The following NMNAT3 variants were observed in gnomAD, a reference collection of about 807,000 sequenced individuals.
The protein encoded by NMNAT3 is nicotinamide/nicotinic acid mononucleotide adenylyltransferase 3.
NMNAT3 carries 21 observed loss-of-function variants against 24.8 expected under a neutral mutation model. The observed-to-expected ratio is 0.85, with a 90% CI of 0.60 to 1.22. The LOEUF (loss-of-function observed/expected upper bound fraction) is 1.22, where lower values mean the gene tolerates loss of function less well. NMNAT3 is among the 50% of genes most tolerant of loss of function. NMNAT3 has a pLI of 0.00. For missense variants in NMNAT3, 387 were observed against 436.6 expected (o/e 0.89, Z 1.01); for synonymous variants, 136 against 155.2 (o/e 0.88, Z 0.92).
intron 3 of NMNAT3, among the ~76,000 whole-genome samples, chr3:139,620,777 T>G (rs2055732981): frequency 6.6e-6 from 1 of 152,150 alleles, no homozygotes; most frequent in African/African-American, 2.4e-5. Context: ...GTCTTATAAC[T>G]CCACATCTTG....
At chr3:139,592,821 A>G (rs2054260585) in intron 3 of NMNAT3, among the ~76,000 whole-genome samples, 1 of 152,194 alleles carries the variant, frequency 6.6e-6, no homozygotes, top group Non-Finnish European at 1.5e-5. Flanking sequence ...TGAAGGAAGC[A>G]CTAAACATGG....
At chr3:139,597,907 A>C (rs756292290) in intron 3 of NMNAT3, among the ~76,000 whole-genome samples, 2 of 152,212 alleles carry the variant, frequency 1.3e-5, no homozygotes, top group African/African-American at 2.4e-5. Flanking sequence ...GGAGAGGAGG[A>C]ACACATCTGT....
chr3:139,585,718 C>T (rs1015415014), intron 3 of NMNAT3, among the ~76,000 whole-genome samples: 28 of 152,212 alleles, frequency 1.8e-4, no homozygotes, highest in African/African-American at 6.8e-4. Flanking sequence ...TGAGCAAGGA[C>T]TCATGTGTGG....
At chr3:139,626,948 GTAAA>G (rs2056079698) in intron 3 of NMNAT3, among the ~76,000 whole-genome samples, 1 of 151,846 alleles carries the variant, frequency 6.6e-6, no homozygotes, top group African/African-American at 2.4e-5. Context: ...AAATATACAA[GTAAA>G]TAATTTCATA....
intron 3 of NMNAT3, among the ~76,000 whole-genome samples, chr3:139,584,835 T>C (rs1162381697): frequency 6.6e-6 from 1 of 152,224 alleles, no homozygotes; most frequent in Non-Finnish European, 1.5e-5. Flanking sequence ...AGATTACTAA[T>C]TGTTTTGCTT....
At chr3:139,666,250 A>G (rs953596967) in intron 1 of NMNAT3, among the ~76,000 whole-genome samples, 1 of 152,120 alleles carries the variant, frequency 6.6e-6, no homozygotes, top group Admixed American at 6.5e-5. Flanking sequence ...AATATGGCAA[A>G]AGTGATACTA....
At chr3:139,568,308 C>T in intron 6 of NMNAT3, 1 of 151,926 alleles carries the variant, frequency 6.6e-6, no homozygotes, top group Non-Finnish European at 1.5e-5. Context: ...GGATTCATTA[C>T]TTTTTTGAAG....
At chr3:139,677,111 GC>G (rs1039792418) in intron 1 of NMNAT3, among the ~76,000 whole-genome samples, 2 of 152,098 alleles carry the variant, frequency 1.3e-5, no homozygotes, top group Non-Finnish European at 2.9e-5. Context: ...GTTGTTCCCC[GC>G]CCGGGAATTC....
At chr3:139,561,415 A>G in intron 6 of NMNAT3, 23 bp from the exon 7 acceptor site, 27 of 1,600,694 alleles carry the variant, frequency 1.7e-5, no homozygotes, top group Non-Finnish European at 2.2e-5. Context: ...GGATGGACCC[A>G]GTAAAGTTAG....
chr3:139,622,172 A>G (rs1002197541), intron 3 of NMNAT3, among the ~76,000 whole-genome samples: 3 of 152,102 alleles, frequency 2.0e-5, no homozygotes, highest in African/African-American at 7.2e-5. Context: ...GTTTTTCATA[A>G]TGGCTGTTCT....
chr3:139,583,170 GA>G lies in NMNAT3; in HGVS notation c.147del (p.Pro50LeufsTer8). Reference sequence around the variant, plus strand: ...TTTATTGAGATAGACTGAGGTCCAGGAAAAACAAGTGCAACTTCATGGTCCT... The same window carrying G: ...TTTATTGAGATAGACTGAGGTCCAGGAAAACAAGTGCAACTTCATGGTCCT... On this transcript the variant is annotated frameshift_variant, in exon 4 of 7. Transcript: ENST00000643695. LOFTEE classifies it high-confidence loss of function. The G allele has an allele frequency of 1.5e-6, 2 of 1,295,570 alleles. No homozygotes were observed. Among genetic ancestry groups the G allele is most frequent in the South Asian group, 1.2e-5 (1 of 81,066 alleles). The allele number at this position is 1,295,570 out of a possible 1,614,324, so 80.3% of individuals were successfully genotyped here.
At chr3:139,596,964 A>ATATATATATTTTTT (rs1405063694) in intron 3 of NMNAT3, among the ~76,000 whole-genome samples, 1 of 108,540 alleles carries the variant, frequency 9.2e-6, no homozygotes, top group Non-Finnish European at 1.9e-5. Flanking sequence ...ATATATATAT[A>ATATATATATTTTTT]TTTTTATTAC....
chr3:139,663,028 C>T (rs2057466480), intron 1 of NMNAT3, among the ~76,000 whole-genome samples: 1 of 152,208 alleles, frequency 6.6e-6, no homozygotes, highest in African/African-American at 2.4e-5. Flanking sequence ...TGGTTTAAAA[C>T]AACACACATT....
At chr3:139,584,613 A>G (rs2053848871) in intron 3 of NMNAT3, among the ~76,000 whole-genome samples, 2 of 152,206 alleles carry the variant, frequency 1.3e-5, no homozygotes, top group South Asian at 4.1e-4. Context: ...CTTAATTACC[A>G]AACATATTGT....
chr3:139,581,102 A>G (rs545722290), intron 4 of NMNAT3, among the ~76,000 whole-genome samples: 45 of 152,310 alleles, frequency 3.0e-4, no homozygotes, highest in African/African-American at 1.1e-3. Flanking sequence ...ACTAATCACA[A>G]TGAAACATTC....
intron 1 of NMNAT3, among the ~76,000 whole-genome samples, chr3:139,647,512 G>A (rs532252240): frequency 6.6e-6 from 1 of 152,322 alleles, no homozygotes; most frequent in South Asian, 2.1e-4. Flanking sequence ...GGTCATTGCA[G>A]ATGTGATTAA....
At chr3:139,616,904 G>T (rs2055532771) in intron 3 of NMNAT3, among the ~76,000 whole-genome samples, 1 of 152,130 alleles carries the variant, frequency 6.6e-6, no homozygotes, top group African/African-American at 2.4e-5. Flanking sequence ...TGTGTCTCTT[G>T]CTTTACCTAC....
chr3:139,631,795 G>A (rs1006420120), intron 2 of NMNAT3, among the ~76,000 whole-genome samples: 2 of 152,060 alleles, frequency 1.3e-5, no homozygotes, highest in Non-Finnish European at 2.9e-5. Flanking sequence ...TTTCTCCCTG[G>A]AATATTTACC....
chr3:139,583,342 A>T (rs1176252820), intron 3 of NMNAT3: 1 of 1,448,016 alleles, frequency 6.9e-7, no homozygotes, highest in African/African-American at 1.4e-5. Context: ...TCACAAGTGG[A>T]ATCTGTTCAA....
Sources: allele counts gnomAD v4.1 joint callset (sites outside exome capture counted in the v4.1 genomes callset), GRCh38; gene constraint gnomAD v4.1.1; transcripts MANE v1.5; gene names NCBI Gene and HGNC (gene_info 2026-07-23, HGNC 2026-07-21).